LNX2: variants seen among roughly 807,000 people sequenced by gnomAD.
The protein encoded by LNX2 is ligand of numb-protein X 2, also known as ligand of Numb protein X 2.
Under a neutral mutation model 66.2 loss-of-function variants are expected in LNX2, and 35 were observed. That is an observed-to-expected ratio of 0.53 (90% CI 0.40 to 0.70). The LOEUF is 0.70. Ranked by LOEUF, LNX2 falls within the 30% of genes least tolerant of loss-of-function variation. The pLI is 0.00. For synonymous variants in LNX2, 337 were observed against 315.6 expected (o/e 1.07, Z -0.72); for missense variants, 791 against 850.8 (o/e 0.93, Z 0.87).
At chr13:27,554,897 T>C (rs913209892) in intron 7 of LNX2, among the ~76,000 whole-genome samples, 2 of 152,232 alleles carry the variant, frequency 1.3e-5, no homozygotes, top group Non-Finnish European at 2.9e-5. Context: ...GTGTTTGTTA[T>C]TGGCTGTCTT....
chr13:27,573,845 A>C (rs982882373), intron 2 of LNX2, among the ~76,000 whole-genome samples: 4 of 152,016 alleles, frequency 2.6e-5, no homozygotes, highest in Admixed American at 1.3e-4. Flanking sequence ...CTGAGTTGCC[A>C]CATTATATTA....
At position 27,569,215 on chromosome 13, in the gene LNX2, C is replaced by T; in HGVS notation, c.469G>A (p.Ala157Thr). 1 of 1,613,512 alleles carries T rather than the reference C, an allele frequency of 6.2e-7. No homozygotes were observed. The highest frequency in any genetic ancestry group is 1.1e-5 in the South Asian group (1 of 91,014). Residue 157 changes from alanine to threonine, a missense_variant, in exon 3 of 10, where the codon GCA (alanine) becomes ACA (threonine). Transcript: ENST00000316334. Reference protein sequence around the residue: ...LERRKTSRTQAEIENENGPTL... With the variant: ...LERRKTSRTQTEIENENGPTL... ...GGCCCATTTTCATTCTCAATCTCTGCTTGAGTTCTACTAGTTTTCCTTCTC... is the reference window on the plus strand; with the variant it reads ...GGCCCATTTTCATTCTCAATCTCTGTTTGAGTTCTACTAGTTTTCCTTCTC...
At chr13:27,606,539 T>A (rs979483003) in intron 1 of LNX2, among the ~76,000 whole-genome samples, 28 of 152,236 alleles carry the variant, frequency 1.8e-4, no homozygotes, top group African/African-American at 6.7e-4. Flanking sequence ...TTCAAAAAAA[T>A]TAGCAAAGTA....
intron 1 of LNX2, among the ~76,000 whole-genome samples, chr13:27,618,672 T>C (rs774572076): frequency 5.9e-5 from 9 of 152,232 alleles, no homozygotes; most frequent in Admixed American, 3.9e-4. Context: ...TAGTGCCCAA[T>C]GTAAGCAAGA....
At chr13:27,576,704 G>A (rs1955343535) in intron 2 of LNX2, among the ~76,000 whole-genome samples, 1 of 151,332 alleles carries the variant, frequency 6.6e-6, no homozygotes, top group Non-Finnish European at 1.5e-5. Context: ...TAGCCTGGGT[G>A]ACAGAGCGAG....
upstream of LNX2, chr13:27,620,909 G>C (rs764533253): frequency 6.5e-6 from 1 of 152,824 alleles, no homozygotes; most frequent in Non-Finnish European, 1.5e-5. Context: ...TCGCGGGGCG[G>C]GGTGGGGGGA....
chr13:27,550,263 C>T (rs755603581), intron 9 of LNX2, 70 bp downstream of exon 9: 163 of 1,409,128 alleles, frequency 1.2e-4, no homozygotes, highest in Non-Finnish European at 1.6e-4. Context: ...GTGCTGACCC[C>T]TGACCCCTGG....
chr13:27,589,771 T>C (rs1284124828), intron 1 of LNX2, among the ~76,000 whole-genome samples: 2 of 152,222 alleles, frequency 1.3e-5, no homozygotes, highest in Admixed American at 6.5e-5. Context: ...TACATAAAAT[T>C]ATTTCAAAAA....
intron 1 of LNX2, among the ~76,000 whole-genome samples, chr13:27,608,817 G>GTTTT (rs1555270168): frequency 2.6e-5 from 4 of 151,970 alleles, no homozygotes; most frequent in African/African-American, 2.4e-5. Flanking sequence ...GTTTTGTTTT[G>GTTTT]GTGGGGGGCC....
At chr13:27,556,878 C>G (rs1255884582) in intron 6 of LNX2, among the ~76,000 whole-genome samples, 1 of 152,152 alleles carries the variant, frequency 6.6e-6, no homozygotes, top group Non-Finnish European at 1.5e-5. Flanking sequence ...CGACCTATCT[C>G]CTGATTCTCA....
intron 1 of LNX2, among the ~76,000 whole-genome samples, chr13:27,597,649 G>A (rs1002692546): frequency 6.6e-6 from 1 of 151,982 alleles, no homozygotes; most frequent in Non-Finnish European, 1.5e-5. Flanking sequence ...ATGAAGGGGG[G>A]TAAAACAAAA....
chr13:27,591,081 T>C (rs938323206), intron 1 of LNX2, among the ~76,000 whole-genome samples: 3 of 152,184 alleles, frequency 2.0e-5, no homozygotes, highest in Non-Finnish European at 4.4e-5. Context: ...AGAGCCATAT[T>C]TGTGCTTTCT....
intron 8 of LNX2, among the ~76,000 whole-genome samples, chr13:27,550,728 C>A (rs1347249665): frequency 1.3e-5 from 2 of 152,166 alleles, no homozygotes; most frequent in Non-Finnish European, 2.9e-5. Flanking sequence ...CACACATACA[C>A]ACACACACAC....
In LNX2 at chr13:27,586,904, T is replaced by C. The variant is rs140775954; in HGVS notation, c.-100-5101A>G. Among the ~76,000 whole-genome samples, 74 of 152,322 alleles carry C rather than the reference T, an allele frequency of 4.9e-4. No individual in the cohort carries two copies. In the East Asian group the frequency reaches 7.1e-3, roughly 15 times the overall value. ...CCAGTGCAATAGGAAGGGAGTTTAC[T>C]ACCTAATTCCAGTTAAGATTAACAT... On this transcript the variant is annotated intron_variant, in intron 1 of 9. Transcript: ENST00000316334.
In LNX2 at chr13:27,548,206, A is replaced by G; in HGVS notation, c.*129T>C. 1.4e-6 allele frequency: 1 copy of G among 738,062 alleles called. No homozygotes were observed. Among genetic ancestry groups the G allele is most frequent in the Non-Finnish European group, 2.2e-6 (1 of 446,404 alleles). The allele number at this position is 738,062 out of a possible 1,614,324, so 45.7% of individuals were successfully genotyped here. On this transcript the variant is annotated 3_prime_UTR_variant, in exon 10 of 10. Transcript: ENST00000316334. The stretch of plus-strand genomic sequence containing the variant: ...TAAATAAACATAAACGGACAATCTT[A>G]GTGGGTTTTGGCCCTGTGTATACCA...
intron 9 of LNX2, among the ~76,000 whole-genome samples, 200 bp from the exon 10 acceptor site, chr13:27,548,670 G>C (rs929204231): frequency 6.6e-6 from 1 of 152,130 alleles, no homozygotes; most frequent in African/African-American, 2.4e-5. Context: ...CCCCTGTGCC[G>C]ATGACTCCAT....
At position 27,562,517 on chromosome 13, in the gene LNX2, A is replaced by AC; in HGVS notation, c.1119dup (p.Leu374ValfsTer12). On this transcript the variant is annotated frameshift_variant, in exon 5 of 10. Transcript: ENST00000316334. LOFTEE classifies it high-confidence loss of function. ...CTTAGCCTGCCGTCCTGGGCAGCCA[A>AC]CCCCCCTTCCAACAGGTCAAGAATA... 2 of 1,613,868 alleles carry AC rather than the reference A, an allele frequency of 1.2e-6. No individual in the cohort carries two copies. The highest frequency in any genetic ancestry group is 1.7e-6 in the Non-Finnish European group (2 of 1,179,970).
intron 4 of LNX2, among the ~76,000 whole-genome samples, chr13:27,566,048 T>C (rs994297391): frequency 5.3e-5 from 8 of 152,234 alleles, no homozygotes; most frequent in Non-Finnish European, 8.8e-5. Context: ...CTACAAGCTA[T>C]GAGAAATCTG....
intron 1 of LNX2, among the ~76,000 whole-genome samples, chr13:27,597,906 T>C (rs915828332): frequency 1.3e-5 from 2 of 152,144 alleles, no homozygotes; most frequent in Admixed American, 1.3e-4. Context: ...TTCCTTACAA[T>C]TCAAAAGTAG....
Sources: allele counts gnomAD v4.1 joint callset (sites outside exome capture counted in the v4.1 genomes callset), GRCh38; gene constraint gnomAD v4.1.1; transcripts MANE v1.5; gene names NCBI Gene and HGNC (gene_info 2026-07-23, HGNC 2026-07-21).